LEKR1: variants seen among roughly 807,000 people sequenced by gnomAD.
LEKR1 encodes protein LEKR1.
LEKR1 carries 59 observed loss-of-function variants against 72.4 expected under a neutral mutation model. The ratio of observed to expected loss-of-function variants is 0.82; its 90% CI spans 0.66 to 1.01. The LOEUF (loss-of-function observed/expected upper bound fraction) is 1.01. Among genes scored for constraint, LEKR1 ranks in the 50% least tolerant of loss-of-function variants. The pLI, the probability that LEKR1 is intolerant of heterozygous loss-of-function variation, is 0.00. For missense variants in LEKR1, 728 were observed against 759.2 expected (o/e 0.96, Z 0.48); for synonymous variants, 257 against 263.2 (o/e 0.98, Z 0.23).
At chr3:156,868,429 A>G (rs563409971) in intron 3 of LEKR1, among the ~76,000 whole-genome samples, 1 of 152,174 alleles carries the variant, frequency 6.6e-6, no homozygotes, top group South Asian at 2.1e-4. Context: ...AAGATGAGGA[A>G]TGTATCTTAC....
intron 3 of LEKR1, among the ~76,000 whole-genome samples, chr3:156,908,794 T>C (rs1368142682): frequency 6.6e-6 from 1 of 152,176 alleles, no homozygotes; most frequent in Non-Finnish European, 1.5e-5. Context: ...TTGTCATTTG[T>C]ACCCTTCTCT....
chr3:156,935,716 A>G (rs528252023), intron 5 of LEKR1, among the ~76,000 whole-genome samples: 2 of 152,204 alleles, frequency 1.3e-5, no homozygotes, highest in African/African-American at 2.4e-5. Context: ...TCGCTTTCCC[A>G]TAGGTTAGCC....
At chr3:156,947,607 C>T (rs1228811613) in intron 6 of LEKR1, among the ~76,000 whole-genome samples, 2 of 150,952 alleles carry the variant, frequency 1.3e-5, no homozygotes, top group Non-Finnish European at 3.0e-5. Flanking sequence ...ACCAGAACCC[C>T]GTCGTAATTG....
intron 11 of LEKR1, among the ~76,000 whole-genome samples, chr3:157,027,141 G>A (rs993914694): frequency 2.0e-5 from 3 of 151,348 alleles, no homozygotes; most frequent in African/African-American, 7.3e-5. Context: ...GAGAGCTATG[G>A]TTAGAGTATT....
rs183199815 is a variant in LEKR1 at position 156,919,784 on chromosome 3, C to T, written c.264-791C>T. Among the ~76,000 whole-genome samples, 114 of 152,170 alleles carry T rather than the reference C, an allele frequency of 7.5e-4. 1 individual carries two copies. Among genetic ancestry groups the T allele is most frequent in the East Asian group, 1.5e-3 (8 of 5,184 alleles). On this transcript the variant is annotated intron_variant, in intron 3 of 12. Coordinates refer to ENST00000356539, the MANE Select transcript of LEKR1 (RefSeq NM_001004316.3). ...TAATGTTACCATGTTATTCTTTGGA[C>T]GTTGTGAGTTAGTGTTACCATGTGG...
At position 156,881,938 on chromosome 3, in the gene LEKR1, G is replaced by A. The variant is rs1719411116; in HGVS notation, c.263+28956G>A. 4.0e-5 allele frequency among the ~76,000 whole-genome samples: 6 copies of A among 149,172 alleles called. No individual in the cohort carries two copies. The South Asian group carries it at 1.3e-3, about 33-fold the overall frequency. Reference sequence around the variant, plus strand: ...TTTAATAAATGGTGCTGAGAAAACTGGCTAGCCATATGTAGAAAGCTGAAA... The same window carrying A: ...TTTAATAAATGGTGCTGAGAAAACTAGCTAGCCATATGTAGAAAGCTGAAA... On this transcript the variant is annotated intron_variant, in intron 3 of 12. Coordinates refer to ENST00000356539, the MANE Select transcript of LEKR1 (RefSeq NM_001004316.3).
At chr3:156,993,009 C>A in intron 8 of LEKR1, 65 bp from the exon 9 acceptor site, 1 of 825,794 alleles carries the variant, frequency 1.2e-6, no homozygotes, top group South Asian at 2.4e-5. Context: ...CTTGATACAT[C>A]TTTGGTAAAT....
intron 3 of LEKR1, among the ~76,000 whole-genome samples, chr3:156,876,339 T>G (rs1718576526): frequency 6.6e-6 from 1 of 152,158 alleles, no homozygotes; most frequent in East Asian, 1.9e-4. Context: ...CATAAGAATT[T>G]TAAGATTGTT....
intron 9 of LEKR1, among the ~76,000 whole-genome samples, chr3:156,996,285 T>C (rs1016682304): frequency 6.6e-6 from 1 of 152,186 alleles, no homozygotes; most frequent in African/African-American, 2.4e-5. Flanking sequence ...TCGAAGATGA[T>C]ACTCTGCCCA....
intron 6 of LEKR1, among the ~76,000 whole-genome samples, chr3:156,944,168 C>T (rs952075196): frequency 4.0e-5 from 6 of 151,458 alleles, no homozygotes; most frequent in African/African-American, 9.7e-5. Context: ...ATAGTACATA[C>T]AGTATCCTGG....
intron 7 of LEKR1, among the ~76,000 whole-genome samples, chr3:156,981,960 G>T (rs543897608): frequency 6.6e-6 from 1 of 152,156 alleles, no homozygotes; most frequent in South Asian, 2.1e-4. Flanking sequence ...AGGAATGTTT[G>T]TCACCTGTAA....
chr3:156,867,996 A>T (rs1020391781), intron 3 of LEKR1, among the ~76,000 whole-genome samples: 12 of 152,088 alleles, frequency 7.9e-5, no homozygotes, highest in Non-Finnish European at 4.4e-5. Context: ...AATGATTTCC[A>T]TGTCAAGAAA....
intron 6 of LEKR1, among the ~76,000 whole-genome samples, chr3:156,975,018 G>T (rs1273160122): frequency 2.0e-5 from 3 of 152,096 alleles, no homozygotes; most frequent in Non-Finnish European, 2.9e-5. Context: ...ACATGTGCGT[G>T]TTACTCCCAA....
Position 157,045,894 on chromosome 3 carries a change from T to A in LEKR1, c.*144T>A. On this transcript the variant is annotated 3_prime_UTR_variant, in exon 13 of 13. Transcript: ENST00000356539. ...CCTATAGATGTATTTAACAAAAGAC[T>A]GTAAAAAGCTGGAAAATTGTGAAGC... 1.4e-6 allele frequency: 1 copy of A among 729,088 alleles called. No homozygotes were observed. Among genetic ancestry groups the A allele is most frequent in the Non-Finnish European group, 2.2e-6 (1 of 462,972 alleles). The allele number at this position is 729,088 out of a possible 1,614,324, so 45.2% of individuals were successfully genotyped here. A position where few individuals can be genotyped will look rare whatever the true frequency, so the allele number is the denominator to read the frequency against.
At chr3:156,851,373 C>G (rs963332887) in intron 2 of LEKR1, among the ~76,000 whole-genome samples, 1 of 152,102 alleles carries the variant, frequency 6.6e-6, no homozygotes, top group Non-Finnish European at 1.5e-5. Context: ...AAAGGATTTC[C>G]TGAGAGACAC....
intron 3 of LEKR1, among the ~76,000 whole-genome samples, chr3:156,867,191 A>T (rs1717407164): frequency 6.6e-6 from 1 of 152,128 alleles, no homozygotes; most frequent in African/African-American, 2.4e-5. Flanking sequence ...ATTAAATGAA[A>T]GGATGTCAAG....
At chr3:156,951,206 A>T (rs1576885615) in intron 6 of LEKR1, among the ~76,000 whole-genome samples, 1 of 151,832 alleles carries the variant, frequency 6.6e-6, no homozygotes, top group South Asian at 2.1e-4. Context: ...CATCACAAGG[A>T]TGAAGCCTAC....
intron 11 of LEKR1, among the ~76,000 whole-genome samples, chr3:157,025,239 A>T (rs1734103147): frequency 6.6e-6 from 1 of 152,232 alleles, no homozygotes; most frequent in South Asian, 2.1e-4. Flanking sequence ...TCCAACATTG[A>T]AAGATAATGA....
intron 3 of LEKR1, among the ~76,000 whole-genome samples, chr3:156,899,793 TAC>T (rs1483913150): frequency 1.4e-5 from 2 of 144,894 alleles, no homozygotes; most frequent in African/African-American, 5.0e-5. Context: ...TACACATATA[TAC>T]ATGTATATAT....
Sources: allele counts gnomAD v4.1 joint callset (sites outside exome capture counted in the v4.1 genomes callset), GRCh38; gene constraint gnomAD v4.1.1; transcripts MANE v1.5; gene names NCBI Gene and HGNC (gene_info 2026-07-23, HGNC 2026-07-21).